Variants in AHNAK observed in about 807,000 individuals in gnomAD.
AHNAK encodes the protein AHNAK nucleoprotein.
AHNAK carries 23 observed loss-of-function variants against 37.8 expected under a neutral mutation model. The ratio of observed to expected loss-of-function variants is 0.61; its 90% CI spans 0.44 to 0.86. The LOEUF is 0.86. AHNAK is among the 40% of genes least tolerant of loss of function. The pLI is 0.00. For missense variants in AHNAK, 7,411 were observed against 7,319.4 expected, an observed-to-expected ratio of 1.01 and a Z score of -0.46; for synonymous variants, 2,481 against 2,636.3, an observed-to-expected ratio of 0.94 and a Z score of 1.80.
intron 5 of AHNAK, among the ~76,000 whole-genome samples, chr11:62,440,508 C>T (rs1938282073): frequency 6.6e-6 from 1 of 152,114 alleles, no homozygotes; most frequent in African/African-American, 2.4e-5. Flanking sequence ...CAGGAGTGCA[C>T]GCCAGTGTCC....
rs577586603 is a variant in AHNAK, at chr11:62,449,743, G to C, written c.443-15852C>G. Among the ~76,000 whole-genome samples the C allele has an allele frequency of 4.6e-5, 7 of 152,330 alleles. No homozygotes were observed. In the South Asian group the frequency reaches 1.5e-3, roughly 32 times the overall value. ...AACGTTTATTGAACTCTTCCAATGT[G>C]GTGGTTCGTCCCGGCTCCACTATGT... On this transcript the variant is annotated intron_variant, in intron 5 of 5. Coordinates refer to the AHNAK transcript ENST00000257247.
Position 62,464,600 on chromosome 11 carries a change from G to A in AHNAK, c.442+27132C>T, listed in dbSNP as rs534271737. ...GGAGAATCACTTGAACCCAGGAGGC[G>A]GAGGTTGCAGTGAGTTGAGATCGTG... On this transcript the variant is annotated intron_variant, in intron 5 of 5. Transcript: ENST00000257247. Among the ~76,000 whole-genome samples the A allele has an allele frequency of 1.1e-4, 16 of 152,072 alleles. No individual in the cohort carries two copies. The East Asian group carries it at 2.5e-3, about 24-fold the overall frequency.
rs547339505 is a variant in AHNAK, at chr11:62,518,375, G to A, written c.16042C>T (p.Pro5348Ser). ...AGCTTTGTTGTGGCATCGATCCCTG[G>A]CACTTTCACACCGTCTCCTCCCACC... ...MQVGGDGVKV[P>S]GIDATTKLNV... Residue 5348 changes from proline to serine, a missense_variant, in exon 5 of 5, where the codon CCA (proline) becomes TCA (serine). Transcript: ENST00000378024. 10 of 1,614,048 alleles carry A rather than the reference G, an allele frequency of 6.2e-6. No homozygotes were observed. The highest frequency in any genetic ancestry group is 1.1e-5 in the South Asian group (1 of 91,066).
chr11:62,460,882 C>CCGATCT, intron 5 of AHNAK, among the ~76,000 whole-genome samples: 1 of 151,990 alleles, frequency 6.6e-6, no homozygotes, highest in African/African-American at 2.4e-5. Context: ...AGTGCAGTGG[C>CCGATCT]CGATCTCGGC....
chr11:62,536,119 G>T, intron 2 of AHNAK, 21 bp from the exon 3 acceptor site: 1 of 1,544,930 alleles, frequency 6.5e-7, no homozygotes, highest in South Asian at 1.2e-5. Flanking sequence ...GTGAGGAAAT[G>T]GAACTGGGGT....
At chr11:62,461,139 T>C (rs1438524287) in intron 5 of AHNAK, among the ~76,000 whole-genome samples, 1 of 100,854 alleles carries the variant, frequency 9.9e-6, no homozygotes. Flanking sequence ...CCGGCCAAAT[T>C]CCCCTTTTTT....
chr11:62,513,234 C>T (rs1210077028), downstream of AHNAK, among the ~76,000 whole-genome samples: 1 of 152,124 alleles, frequency 6.6e-6, no homozygotes, highest in Admixed American at 6.5e-5. Flanking sequence ...AAGGCTGGTT[C>T]CTGCAAGACT....
At chr11:62,450,038 A>G (rs1040841462) in intron 5 of AHNAK, among the ~76,000 whole-genome samples, 1 of 152,098 alleles carries the variant, frequency 6.6e-6, no homozygotes. Context: ...TGGGCCCAGG[A>G]GTTCAAGACC....
rs772320828 is a variant in AHNAK at position 62,517,772 on chromosome 11, T to TA, written c.16644dup (p.Asn5549Ter). 1 of 1,614,158 alleles carries TA rather than the reference T, an allele frequency of 6.2e-7. No homozygotes were observed. Among genetic ancestry groups the TA allele is most frequent in the Admixed American group, 1.7e-5 (1 of 60,024 alleles). ...AAATCTGACTCAGGAGATGCCATAT[T>TA]AAAGGCAGGCCCCTTCACACTGATA... On this transcript the variant is annotated frameshift_variant, in exon 5 of 5. Coordinates refer to ENST00000378024, the MANE Select transcript of AHNAK (RefSeq NM_001620.3). LOFTEE classifies it high-confidence loss of function.
intron 5 of AHNAK, among the ~76,000 whole-genome samples, chr11:62,482,698 A>T (rs552668105): frequency 6.6e-6 from 1 of 152,210 alleles, no homozygotes; most frequent in East Asian, 1.9e-4. Flanking sequence ...TCCCTCCCTC[A>T]TACTCTTTTC....
At chr11:62,489,675 G>A (rs11819950) in intron 5 of AHNAK, among the ~76,000 whole-genome samples, 21,957 of 151,968 alleles carry the variant, frequency 0.14, 3,913 homozygotes, top group African/African-American at 0.42. Flanking sequence ...GGGAGAGGGG[G>A]AGTGGAGGGG....
At chr11:62,544,164 G>A (rs1043211066) in intron 1 of AHNAK, among the ~76,000 whole-genome samples, 2 of 152,036 alleles carry the variant, frequency 1.3e-5, no homozygotes, top group African/African-American at 4.8e-5. Context: ...TGGCAGCACC[G>A]CCACCTTTCC....
At chr11:62,441,846 C>T (rs1316197115) in intron 5 of AHNAK, among the ~76,000 whole-genome samples, 1 of 152,116 alleles carries the variant, frequency 6.6e-6, no homozygotes, top group Non-Finnish European at 1.5e-5. Context: ...TCCAGGAGCT[C>T]AGTTCACCCT....
intron 4 of AHNAK, among the ~76,000 whole-genome samples, chr11:62,506,134 A>C (rs1191645989): frequency 3.3e-5 from 5 of 151,494 alleles, no homozygotes; most frequent in Admixed American, 3.3e-4. Context: ...GCTTGAGCCC[A>C]GGATGTCCAG....
intron 4 of AHNAK, among the ~76,000 whole-genome samples, chr11:62,501,289 C>A (rs1939707612): frequency 6.6e-6 from 1 of 152,188 alleles, no homozygotes; most frequent in Non-Finnish European, 1.5e-5. Context: ...ACTTTGCCTG[C>A]CAGGCACGGT....
chr11:62,444,064 GCA>G (rs1343563343), intron 5 of AHNAK, among the ~76,000 whole-genome samples: 2 of 152,206 alleles, frequency 1.3e-5, no homozygotes, highest in African/African-American at 4.8e-5. Context: ...GAGTGTGGTG[GCA>G]CAGAGCGGCC....
chr11:62,542,154 A>T (rs1941147220), intron 1 of AHNAK: 1 of 152,258 alleles, frequency 6.6e-6, no homozygotes, highest in Non-Finnish European at 1.5e-5. Flanking sequence ...ACACATACAC[A>T]CCATTAGTAC....
chr11:62,511,096 CAT>C (rs1402699102), downstream of AHNAK, among the ~76,000 whole-genome samples: 3 of 152,106 alleles, frequency 2.0e-5, no homozygotes, highest in Non-Finnish European at 4.4e-5. Context: ...GTGCTGGAGA[CAT>C]AGCAATATTT....
At position 62,517,970 on chromosome 11, in the gene AHNAK, TG is replaced by T. The variant is rs1176133614; in HGVS notation, c.16446del (p.Ile5483LeufsTer6). 1.2e-6 allele frequency: 2 copies of T among 1,614,188 alleles called. No individual in the cohort carries two copies. The highest frequency in any genetic ancestry group is 2.2e-5 in the South Asian group (2 of 91,088). On this transcript the variant is annotated frameshift_variant, in exon 5 of 5. Coordinates refer to ENST00000378024, the MANE Select transcript of AHNAK (RefSeq NM_001620.3). LOFTEE classifies it high-confidence loss of function. ...KGPTVGGGLP[G>X]IGVQGLEGNL... is the part of the protein sequence containing the mutation. ...TTTCCTTCTAGGCCTTGAACACCAA[TG>T]CCTGGAAGACCTCCTCCGACAGTGG... is the stretch of plus-strand genomic sequence containing the variant.
Sources: allele counts gnomAD v4.1 joint callset (sites outside exome capture counted in the v4.1 genomes callset), GRCh38; gene constraint gnomAD v4.1.1; transcripts MANE v1.5; gene names NCBI Gene and HGNC (gene_info 2026-07-23, HGNC 2026-07-21).